Variants in ELAVL2 observed in about 807,000 individuals in gnomAD.
ELAVL2 encodes ELAV like RNA binding protein 2.
A neutral mutation model predicts 34.6 loss-of-function variants in ELAVL2; 4 were observed. The observed-to-expected ratio is 0.12, with a 90% confidence interval of 0.06 to 0.26. ELAVL2 has a LOEUF of 0.26. Ranked by LOEUF, ELAVL2 falls within the 10% of genes least tolerant of loss-of-function variation. The pLI, the probability that ELAVL2 is intolerant of heterozygous loss-of-function variation, is 1.00. For missense variants in ELAVL2, 432 were observed against 442.8 expected, an observed-to-expected ratio of 0.98 and a Z score of 0.22; for synonymous variants, 193 against 154.8, an observed-to-expected ratio of 1.25 and a Z score of -1.83.
Position 23,825,904 on chromosome 9 carries a change from A to G in ELAVL2, c.-114T>C, listed in dbSNP as rs1354645684. On this transcript the variant is annotated 5_prime_UTR_variant, in exon 1 of 7. Coordinates refer to ENST00000397312, the MANE Select transcript of ELAVL2 (RefSeq NM_004432.5). ...GAAGCTGCTGGATAGTTCTCTTAAG[A>G]CAGCACGAAACCTAAACTGTGCTCG... 2.0e-5 allele frequency: 3 copies of G among 152,188 alleles called. No homozygotes were observed. Among genetic ancestry groups the G allele is most frequent in the African/African-American group, 7.2e-5 (3 of 41,460 alleles). 9.4% of individuals were successfully genotyped at this position (152,188 alleles called of 1,614,324 possible).
Position 23,810,970 on chromosome 9 carries a change from C to G in ELAVL2, c.-16+14836G>C, listed in dbSNP as rs1162113446. 3.3e-5 allele frequency among the ~76,000 whole-genome samples: 5 copies of G among 152,198 alleles called. No individual in the cohort carries two copies. The East Asian group carries it at 9.6e-4, about 29-fold the overall frequency. ...AAAAAGTGGCAGATCCCTGCTGCCC[C>G]ATCCCAATCCACTGCTAACTTGACT... On this transcript the variant is annotated intron_variant, in intron 1 of 6. Coordinates refer to ENST00000397312, the MANE Select transcript of ELAVL2 (RefSeq NM_004432.5).
intron 1 of ELAVL2, chr9:23,765,007 AC>A: frequency 6.2e-7 from 1 of 1,608,992 alleles, no homozygotes. Context: ...AATCCCACAG[AC>A]CCCGGTCCAA....
At chr9:23,707,594 A>C (rs553704249) in intron 3 of ELAVL2, among the ~76,000 whole-genome samples, 2 of 152,374 alleles carry the variant, frequency 1.3e-5, no homozygotes, top group South Asian at 4.1e-4. Context: ...CACAGGAGGC[A>C]GTGGAAATGT....
At chr9:23,739,637 T>C (rs2048686361) in intron 2 of ELAVL2, among the ~76,000 whole-genome samples, 1 of 152,052 alleles carries the variant, frequency 6.6e-6, no homozygotes, top group South Asian at 2.1e-4. Flanking sequence ...TATATACCAT[T>C]TGGGATGAAG....
the ELAVL2 span, among the ~76,000 whole-genome samples, chr9:23,847,671 T>G: frequency 1.3e-5 from 2 of 152,134 alleles, no homozygotes; most frequent in African/African-American, 4.8e-5. Flanking sequence ...AAAAAATTGG[T>G]AAGTGTACTT....
intron 5 of ELAVL2, among the ~76,000 whole-genome samples, chr9:23,694,513 A>G (rs146782614): frequency 6.6e-6 from 1 of 151,860 alleles, no homozygotes; most frequent in Non-Finnish European, 1.5e-5. Context: ...AACACTCTCC[A>G]AAGACATCCC....
intron 2 of ELAVL2, among the ~76,000 whole-genome samples, chr9:23,731,492 C>T (rs1241958325): frequency 6.6e-6 from 1 of 152,146 alleles, no homozygotes; most frequent in Non-Finnish European, 1.5e-5. Context: ...TTTTCAGCTT[C>T]AGTTTCCTTA....
At chr9:23,755,124 T>C (rs2053225351) in intron 2 of ELAVL2, among the ~76,000 whole-genome samples, 1 of 152,186 alleles carries the variant, frequency 6.6e-6, no homozygotes, top group African/African-American at 2.4e-5. Flanking sequence ...TTATAATACT[T>C]TTCTGTCAAC....
chr9:23,838,672 CT>C, the ELAVL2 span, among the ~76,000 whole-genome samples: 1 of 152,106 alleles, frequency 6.6e-6, no homozygotes, highest in African/African-American at 2.4e-5. Flanking sequence ...GAATGTTCTT[CT>C]TTTCGATGAA....
the ELAVL2 span, among the ~76,000 whole-genome samples, chr9:23,848,138 T>C: frequency 6.6e-6 from 1 of 152,080 alleles, no homozygotes; most frequent in Non-Finnish European, 1.5e-5. Context: ...AAAGTGTTTA[T>C]TTTAAAACCC....
chr9:23,744,689 T>G (rs954678479), intron 2 of ELAVL2, among the ~76,000 whole-genome samples: 1 of 151,980 alleles, frequency 6.6e-6, no homozygotes, highest in African/African-American at 2.4e-5. Flanking sequence ...AAATGGATCT[T>G]AACACAAAAG....
At chr9:23,844,547 C>G in the ELAVL2 span, among the ~76,000 whole-genome samples, 1 of 151,880 alleles carries the variant, frequency 6.6e-6, no homozygotes, top group Non-Finnish European at 1.5e-5. Context: ...AACAAAGGAT[C>G]GTGGTAGTAT....
the ELAVL2 span, among the ~76,000 whole-genome samples, chr9:23,841,789 T>C: frequency 0.031 from 4,657 of 152,208 alleles, 251 homozygotes; most frequent in Admixed American, 0.13. Context: ...AAAAGAAAAG[T>C]AAATCTATGA....
the ELAVL2 span, among the ~76,000 whole-genome samples, chr9:23,841,924 T>C: frequency 1.3e-5 from 2 of 152,132 alleles, no homozygotes; most frequent in African/African-American, 4.8e-5. Context: ...TTAAGTAAAC[T>C]TTTTCTTTTT....
intron 4 of ELAVL2, among the ~76,000 whole-genome samples, chr9:23,704,019 G>A (rs925058529): frequency 5.9e-5 from 9 of 152,076 alleles, no homozygotes; most frequent in Admixed American, 1.3e-4. Context: ...CGTGACCTCC[G>A]CCTCTGGGGT....
chr9:23,756,109 T>G (rs192390776), intron 2 of ELAVL2, among the ~76,000 whole-genome samples: 1 of 152,144 alleles, frequency 6.6e-6, no homozygotes, highest in Admixed American at 6.6e-5. Context: ...TCCTATGCCA[T>G]TAAAATAGTT....
At chr9:23,827,035 T>G (rs973727588), upstream of ELAVL2, among the ~76,000 whole-genome samples, 1 of 152,204 alleles carries the variant, frequency 6.6e-6, no homozygotes, top group Non-Finnish European at 1.5e-5. Context: ...AATAGAAAAG[T>G]GTAGGATAAA....
intron 1 of ELAVL2, among the ~76,000 whole-genome samples, chr9:23,800,688 C>T (rs1412646307): frequency 1.3e-5 from 2 of 152,110 alleles, no homozygotes. Flanking sequence ...AATGAATCTA[C>T]AAAATTAGAA....
chr9:23,743,809 T>C (rs2049861809), intron 2 of ELAVL2, among the ~76,000 whole-genome samples: 1 of 152,202 alleles, frequency 6.6e-6, no homozygotes, highest in Non-Finnish European at 1.5e-5. Flanking sequence ...ATGTGATGCT[T>C]TCTTTAATCT....
Sources: allele counts gnomAD v4.1 joint callset (sites outside exome capture counted in the v4.1 genomes callset), GRCh38; gene constraint gnomAD v4.1.1; transcripts MANE v1.5; gene names NCBI Gene and HGNC (gene_info 2026-07-23, HGNC 2026-07-21).